CHD9: variants seen among roughly 807,000 people sequenced by gnomAD.
CHD9 encodes ATP-dependent chromatin remodeler CHD9.
In CHD9, 77 loss-of-function variants were observed where a neutral mutation model predicts 316.1. The observed-to-expected ratio is 0.24, with a 90% CI of 0.20 to 0.29. The LOEUF (loss-of-function observed/expected upper bound fraction) is 0.29, where lower values mean the gene tolerates loss of function less well. Ranked by LOEUF, CHD9 falls within the 10% of genes least tolerant of loss-of-function variation. The pLI is 1.00. For missense variants in CHD9, 2,763 were observed against 3,438.1 expected, an observed-to-expected ratio of 0.80 and a Z score of 4.91; for synonymous variants, 1,129 against 1,158.3, an observed-to-expected ratio of 0.97 and a Z score of 0.51.
intron 7 of CHD9, among the ~76,000 whole-genome samples, chr16:53,228,384 T>C (rs2047842664): frequency 6.6e-6 from 1 of 151,992 alleles, no homozygotes; most frequent in Admixed American, 6.6e-5. Context: ...TAGGTTTTTA[T>C]GTCAGACGCA....
chr16:53,146,836 C>T (rs1239329991), intron 1 of CHD9, among the ~76,000 whole-genome samples: 2 of 150,626 alleles, frequency 1.3e-5, no homozygotes, highest in Non-Finnish European at 3.0e-5. Context: ...TTTTGTTACA[C>T]GTATTTTACC....
intron 3 of CHD9, among the ~76,000 whole-genome samples, chr16:53,221,339 T>G (rs2047213213): frequency 6.6e-6 from 1 of 152,216 alleles, no homozygotes; most frequent in South Asian, 2.1e-4. Context: ...TTTAAATCTT[T>G]GACCCTGTGT....
chr16:53,286,263 A>G lies in CHD9; in HGVS notation c.5109A>G (p.Ala1703=). The G allele has an allele frequency of 6.2e-7, 1 of 1,612,956 alleles. No individual in the cohort carries two copies. The highest frequency in any genetic ancestry group is 1.1e-5 in the South Asian group (1 of 91,060). Residue 1703 remains alanine (A), a synonymous_variant, in exon 26 of 39, where the codon GCA becomes GCG. Transcript: ENST00000447540. ...ATAACACTATTCGAGCAGACCCAGC[A>G]TTATGCTTCTTGGAAAGAGTGGGAA... ...EKYNTIRADP[A]LCFLERVGKP... is the part of the protein sequence containing the mutation.
At position 53,289,700 on chromosome 16, in the gene CHD9, G is replaced by A. The variant is rs113145551; in HGVS notation, c.5247+1686G>A. ...AAGAATATAGGAATAGCATATAAAA[G>A]CAGCATCTACCACTCCTAGGGCTCA... is the stretch of plus-strand genomic sequence containing the variant. On this transcript the variant is annotated intron_variant, in intron 27 of 38. Coordinates refer to ENST00000447540, the MANE Select transcript of CHD9 (RefSeq NM_001308319.2). Among the ~76,000 whole-genome samples, 1,092 of 152,264 alleles carry A rather than the reference G, an allele frequency of 7.2e-3. 10 individuals carry two copies. Among genetic ancestry groups the A allele is most frequent in the Non-Finnish European group, 0.01 (708 of 68,008 alleles).
rs905685961 is a variant in CHD9, at chr16:53,091,008, C to CA, written c.-165+35931_-165+35932insA. On this transcript the variant is annotated intron_variant, in intron 1 of 38. Coordinates refer to ENST00000447540, the MANE Select transcript of CHD9 (RefSeq NM_001308319.2). Reference sequence around the variant, plus strand: ...GGAGGATGGGAACAGCTCACCCCCCCCCGACTGACCGCGGTGAGGCTCAGC... The same window carrying CA: ...GGAGGATGGGAACAGCTCACCCCCCCACCGACTGACCGCGGTGAGGCTCAGC... Among the ~76,000 whole-genome samples, 36 of 151,456 alleles carry CA rather than the reference C, an allele frequency of 2.4e-4. 1 individual carries two copies. The highest frequency in any genetic ancestry group is 3.4e-3 in the Middle Eastern group (1 of 294).
intron 1 of CHD9, among the ~76,000 whole-genome samples, chr16:53,137,401 C>T (rs1049063137): frequency 2.6e-5 from 4 of 152,232 alleles, no homozygotes; most frequent in Admixed American, 6.5e-5. Flanking sequence ...ACCCATCTTT[C>T]GGTGCACATG....
chr16:53,301,985 A>T (rs6499543), intron 30 of CHD9, among the ~76,000 whole-genome samples: 3 of 151,506 alleles, frequency 2.0e-5, no homozygotes, highest in Non-Finnish European at 4.4e-5. Flanking sequence ...GGATGGTCTC[A>T]ATCTCCTGAC....
intron 30 of CHD9, chr16:53,299,566 A>C (rs749358431): frequency 2.6e-6 from 1 of 377,380 alleles, no homozygotes; most frequent in Non-Finnish European, 5.0e-6. Flanking sequence ...CCTCCTCAGC[A>C]GCTATTAACC....
intron 10 of CHD9, among the ~76,000 whole-genome samples, chr16:53,232,527 A>T (rs2048266940): frequency 6.6e-6 from 1 of 152,168 alleles, no homozygotes; most frequent in African/African-American, 2.4e-5. Flanking sequence ...TAAATAATGT[A>T]GGAGGTGTTT....
At chr16:53,064,144 A>G (rs1159176685) in intron 1 of CHD9, among the ~76,000 whole-genome samples, 2 of 151,866 alleles carry the variant, frequency 1.3e-5, no homozygotes, top group African/African-American at 4.8e-5. Context: ...TGGTTGGCAT[A>G]TTTTCTTTAG....
intron 3 of CHD9, among the ~76,000 whole-genome samples, chr16:53,221,141 G>A (rs921544218): frequency 5.3e-5 from 8 of 152,192 alleles, no homozygotes; most frequent in African/African-American, 1.9e-4. Context: ...GAAGTTGTTA[G>A]CATTAGTTGA....
At chr16:53,211,699 T>G (rs1054256181) in intron 3 of CHD9, among the ~76,000 whole-genome samples, 222 of 151,228 alleles carry the variant, frequency 1.5e-3, no homozygotes, top group African/African-American at 5.2e-3. Flanking sequence ...AGTTTGCATA[T>G]GTATTACTAA....
At chr16:53,204,062 CA>C (rs2045693538) in intron 2 of CHD9, among the ~76,000 whole-genome samples, 1 of 71,692 alleles carries the variant, frequency 1.4e-5, no homozygotes, top group African/African-American at 5.3e-5. Context: ...TATATATACA[CA>C]CACACACACA....
chr16:53,233,806 C>T (rs2048384456), intron 10 of CHD9, among the ~76,000 whole-genome samples: 1 of 152,168 alleles, frequency 6.6e-6, no homozygotes, highest in East Asian at 1.9e-4. Context: ...ACATATTTCA[C>T]AATATCACAC....
At chr16:53,240,812 A>C (rs2049024630) in intron 12 of CHD9, among the ~76,000 whole-genome samples, 1 of 152,102 alleles carries the variant, frequency 6.6e-6, no homozygotes, top group East Asian at 1.9e-4. Flanking sequence ...TATTTCACTT[A>C]ATCTTTGTAA....
rs762756136 is a variant in CHD9 at position 53,314,396 on chromosome 16, C to T, written c.7242C>T (p.Thr2414=). The T allele has an allele frequency of 1.3e-6, 2 of 1,577,432 alleles. No homozygotes were observed. Among genetic ancestry groups the T allele is most frequent in the Middle Eastern group, 1.7e-4 (1 of 5,980 alleles). Residue 2414 remains threonine, a synonymous_variant, in exon 35 of 39, where the codon ACC becomes ACT. Coordinates refer to ENST00000447540, the MANE Select transcript of CHD9 (RefSeq NM_001308319.2). The part of the protein sequence containing the change: ...IPVSGTSIQP[T]LGANGVILDN... ...AATTAGGTACTTCCATTCAACCAAC[C>T]CTTGGTGCCAATGGTGTGATATTAG...
chr16:53,287,244 T>G (rs999384118), intron 26 of CHD9, among the ~76,000 whole-genome samples: 1 of 152,132 alleles, frequency 6.6e-6, no homozygotes, highest in Non-Finnish European at 1.5e-5. Context: ...GTGCGGAGAT[T>G]ATAGGTGTGA....
intron 1 of CHD9, among the ~76,000 whole-genome samples, chr16:53,110,693 C>T (rs373989414): frequency 1.3e-5 from 2 of 152,116 alleles, no homozygotes; most frequent in Non-Finnish European, 2.9e-5. Context: ...ACCTGGGAGG[C>T]GGAGGTTGCA....
At chr16:53,249,474 A>G (rs2049954455) in intron 16 of CHD9, among the ~76,000 whole-genome samples, 1 of 152,214 alleles carries the variant, frequency 6.6e-6, no homozygotes, top group African/African-American at 2.4e-5. Context: ...AGTCGAGAGT[A>G]ACATGGATTA....
Sources: gnomAD v4.1 joint callset for allele counts (sites outside exome capture counted in the v4.1 genomes callset) on GRCh38, gnomAD v4.1.1 for gene constraint, MANE v1.5 for transcripts, NCBI Gene and HGNC (gene_info 2026-07-23, HGNC 2026-07-21) for gene names.